The following HYKK variants were observed in gnomAD, a reference collection of about 807,000 sequenced individuals.
HYKK encodes the protein hydroxylysine kinase, also known as 5-hydroxy-L-lysine kinase.
Under a neutral mutation model 29.7 loss-of-function variants are expected in HYKK, and 19 were observed. That is an observed-to-expected ratio of 0.64 (90% CI 0.45 to 0.94). The LOEUF (loss-of-function observed/expected upper bound fraction) is 0.94. Among genes scored for constraint, HYKK ranks in the 40% least tolerant of loss-of-function variants. The probability of loss-of-function intolerance (pLI) is 0.00; values close to 1 mark genes in which losing one functional copy is unlikely to be tolerated. For synonymous variants in HYKK, 152 were observed against 158.1 expected (o/e 0.96, Z 0.29); for missense variants, 390 against 443.4 (o/e 0.88, Z 1.08).
intron 4 of HYKK, among the ~76,000 whole-genome samples, chr15:78,529,398 CTT>C (rs1180548437): frequency 6.6e-6 from 1 of 152,190 alleles, no homozygotes; most frequent in Admixed American, 6.5e-5. Flanking sequence ...GTTCATTAGT[CTT>C]TGAGTGTATA....
chr15:78,513,945 C>A (rs555184948), intron 2 of HYKK, among the ~76,000 whole-genome samples: 13 of 152,202 alleles, frequency 8.5e-5, no homozygotes, highest in African/African-American at 3.1e-4. Context: ...GCATGCATCA[C>A]CACGCCCAGC....
intron 3 of HYKK, chr15:78,518,508 G>C (rs1019920331): frequency 2.3e-6 from 1 of 442,782 alleles, no homozygotes; most frequent in African/African-American, 2.0e-5. Flanking sequence ...AGGGATCACT[G>C]TTTTTCATTG....
At chr15:78,522,457 G>T (rs2052206814) in intron 3 of HYKK, among the ~76,000 whole-genome samples, 1 of 151,474 alleles carries the variant, frequency 6.6e-6, no homozygotes, top group Non-Finnish European at 1.5e-5. Context: ...TATTGTGGAG[G>T]CTGAGGCAGG....
At chr15:78,526,226 G>A (rs2052253172) in intron 3 of HYKK, among the ~76,000 whole-genome samples, 1 of 152,212 alleles carries the variant, frequency 6.6e-6, no homozygotes, top group African/African-American at 2.4e-5. Flanking sequence ...TGCCTTCAAT[G>A]TGCCAGGCAC....
intron 2 of HYKK, among the ~76,000 whole-genome samples, chr15:78,514,245 A>T (rs985098051): frequency 1.3e-5 from 2 of 152,104 alleles, no homozygotes; most frequent in Non-Finnish European, 2.9e-5. Flanking sequence ...TCATTACTGT[A>T]TATGTGACCT....
rs776870163 is a variant in HYKK at position 78,527,383 on chromosome 15, T to C, written c.481T>C (p.Phe161Leu). 6.2e-7 allele frequency: 1 copy of C among 1,613,772 alleles called. No homozygotes were observed. The highest frequency in any genetic ancestry group is 8.5e-7 in the Non-Finnish European group (1 of 1,179,762). ...AAKLDKTLQR[F>L]HHPKLSSLHR... is the part of the protein sequence containing the mutation. ...GAATATCTCGCTTTTGATTTAGAGA[T>C]TCCATCACCCAAAGTTAAGTAGTCT... The change falls in exon 4 of 5, where the codon TTC (phenylalanine) becomes CTC (leucine). Residue 161 changes from phenylalanine to leucine, a missense_variant. Transcript: ENST00000388988.
intron 3 of HYKK, among the ~76,000 whole-genome samples, chr15:78,520,668 T>C (rs2141358445): frequency 6.6e-6 from 1 of 152,296 alleles, no homozygotes; most frequent in Middle Eastern, 3.4e-3. Flanking sequence ...ACCATCCGAT[T>C]TCTCAATGTT....
Position 78,527,442 on chromosome 15 carries a change from T to C in HYKK, c.540T>C (p.Asn180=). The C allele has an allele frequency of 6.2e-7, 1 of 1,614,146 alleles. No individual in the cohort carries two copies. The highest frequency in any genetic ancestry group is 8.5e-7 in the Non-Finnish European group (1 of 1,179,980). Residue 180 remains asparagine (N), a synonymous_variant, in exon 4 of 5, where the codon AAT becomes AAC. Transcript: ENST00000388988. The stretch of plus-strand genomic sequence containing the variant: ...AGAACTTCATCTGGAATCTGAAAAA[T>C]GTTCCTCTTCTGGAGAAATACCTGT... ...HRENFIWNLK[N]VPLLEKYLYA...
intron 2 of HYKK, among the ~76,000 whole-genome samples, chr15:78,513,749 C>T (rs1298287408): frequency 2.0e-5 from 3 of 151,852 alleles, no homozygotes; most frequent in Admixed American, 1.3e-4. Context: ...TTGTTTGTTT[C>T]GTATTTTTTG....
intron 4 of HYKK, among the ~76,000 whole-genome samples, chr15:78,530,149 G>C (rs113940471): frequency 6.6e-6 from 1 of 150,554 alleles, no homozygotes; most frequent in South Asian, 2.1e-4. Context: ...TTTTTTTACA[G>C]CTTTATTGAG....
At chr15:78,524,260 CTG>C (rs761693721) in intron 3 of HYKK, among the ~76,000 whole-genome samples, 5 of 152,276 alleles carry the variant, frequency 3.3e-5, no homozygotes, top group East Asian at 1.9e-4. Flanking sequence ...CTTTTACACT[CTG>C]TGCACCCACA....
chr15:78,534,708 A>G lies in HYKK; in HGVS notation c.*1038A>G, dbSNP rs2052346034. On this transcript the variant is annotated 3_prime_UTR_variant, in exon 5 of 5. Transcript: ENST00000388988. ...CATTGACAGCATTCTTGGAGAAAAA[A>G]TTTTAACTTGTCTGAGAGGGTGGTT... 6.6e-6 allele frequency: 1 copy of G among 152,152 alleles called. No homozygotes were observed. Among genetic ancestry groups the G allele is most frequent in the African/African-American group, 2.4e-5 (1 of 41,440 alleles). 9.4% of individuals were successfully genotyped at this position (152,152 alleles called of 1,614,324 possible).
chr15:78,525,413 C>T (rs530803501), intron 3 of HYKK, among the ~76,000 whole-genome samples: 81 of 152,194 alleles, frequency 5.3e-4, no homozygotes, highest in Admixed American at 1.4e-3. Context: ...GCCTTGGCCT[C>T]CCAAAGTGTT....
chr15:78,527,189 G>A (rs969339380), intron 3 of HYKK, among the ~76,000 whole-genome samples, 191 bp from the exon 4 acceptor site: 1 of 151,748 alleles, frequency 6.6e-6, no homozygotes, highest in African/African-American at 2.4e-5. Flanking sequence ...GGGAGGCTGA[G>A]GCAGAAGAAT....
intron 3 of HYKK, among the ~76,000 whole-genome samples, chr15:78,519,478 G>A (rs2052169199): frequency 6.6e-6 from 1 of 152,066 alleles, no homozygotes; most frequent in Non-Finnish European, 1.5e-5. Flanking sequence ...CTTTGAACTG[G>A]GCCGGGCACA....
rs780571279 is a variant in HYKK at position 78,533,175 on chromosome 15, C to A, written c.662-35C>A. On this transcript the variant is annotated intron_variant, in intron 4 of 4. Coordinates refer to ENST00000388988, the MANE Select transcript of HYKK (RefSeq NM_001013619.4). Reference sequence around the variant, plus strand: ...TGGAAGGGGAATGAATTGGGATATTCAATAACTGTTTTTACATGATTTTTC... The same window carrying A: ...TGGAAGGGGAATGAATTGGGATATTAAATAACTGTTTTTACATGATTTTTC... 1.5e-5 allele frequency: 20 copies of A among 1,315,146 alleles called. No individual in the cohort carries two copies. The South Asian group carries it at 2.2e-4, about 15-fold the overall frequency. 81.5% of individuals were successfully genotyped at this position (1,315,146 alleles called of 1,614,324 possible).
intron 3 of HYKK, among the ~76,000 whole-genome samples, chr15:78,522,019 A>G (rs2052202334): frequency 1.4e-5 from 2 of 146,036 alleles, no homozygotes; most frequent in Non-Finnish European, 3.0e-5. Flanking sequence ...AGATCTCACT[A>G]TGTTGCCCAG....
Position 78,513,276 on chromosome 15 carries a change from T to C in HYKK, c.188T>C (p.Val63Ala), listed in dbSNP as rs753993316. Reference sequence around the variant, plus strand: ...ACCAAAGATGGCCCAACTGAATATGTCCTCAAAATAAGCAACACCAAGGCT... The same window carrying C: ...ACCAAAGATGGCCCAACTGAATATGCCCTCAAAATAAGCAACACCAAGGCT... Reference protein sequence around the residue: ...SKTKDGPTEYVLKISNTKASK... With the variant: ...SKTKDGPTEYALKISNTKASK... Residue 63 changes from valine to alanine, a missense_variant, in exon 2 of 5, where the codon GTC becomes GCC. Transcript: ENST00000388988. 2 of 1,614,192 alleles carry C rather than the reference T, an allele frequency of 1.2e-6. No homozygotes were observed. Among genetic ancestry groups the C allele is most frequent in the South Asian group, 2.2e-5 (2 of 91,088 alleles).
In HYKK at chr15:78,536,539, C is replaced by T. The variant is rs1297656200; in HGVS notation, c.*2869C>T. 1 of 152,214 alleles carries T rather than the reference C, an allele frequency of 6.6e-6. No individual in the cohort carries two copies. Among genetic ancestry groups the T allele is most frequent in the Non-Finnish European group, 1.5e-5 (1 of 68,042 alleles). 9.4% of individuals were successfully genotyped at this position (152,214 alleles called of 1,614,324 possible). On this transcript the variant is annotated 3_prime_UTR_variant, in exon 5 of 5. Transcript: ENST00000388988. ...TTGATGAAACTGTATAGATTTCCCT[C>T]TTGATTGCCCCTGCTAACATGGATT...
Sources: gnomAD v4.1 joint callset for allele counts (sites outside exome capture counted in the v4.1 genomes callset) on GRCh38, gnomAD v4.1.1 for gene constraint, MANE v1.5 for transcripts, NCBI Gene and HGNC (gene_info 2026-07-23, HGNC 2026-07-21) for gene names.